The following EIF4G3 variants were observed in gnomAD, a reference collection of about 807,000 sequenced individuals.
EIF4G3 encodes eIF-4-gamma 3.
In EIF4G3, 34 loss-of-function variants were observed where a neutral mutation model predicts 186.4. The observed-to-expected ratio is 0.18, with a 90% confidence interval of 0.14 to 0.24. EIF4G3 has a LOEUF of 0.24. Among genes scored for constraint, EIF4G3 ranks in the 10% least tolerant of loss-of-function variants. EIF4G3 has a pLI of 1.00. For missense variants in EIF4G3, 1,536 were observed against 1,948.5 expected (o/e 0.79, Z 3.99); for synonymous variants, 673 against 679.5 (o/e 0.99, Z 0.15).
At chr1:21,015,718 GGTA>G (rs1423468409) in intron 4 of EIF4G3, among the ~76,000 whole-genome samples, 1 of 146,714 alleles carries the variant, frequency 6.8e-6, no homozygotes, top group Non-Finnish European at 1.5e-5. Context: ...CAGACCAGAA[GGTA>G]GTAGAATGAC....
At chr1:21,068,375 TAAAA>T (rs869306512) in intron 3 of EIF4G3, among the ~76,000 whole-genome samples, 23 of 67,830 alleles carry the variant, frequency 3.4e-4, no homozygotes, top group Admixed American at 8.2e-4. Context: ...ACTCTGTCTT[TAAAA>T]AAAAAAAAAA....
chr1:20,876,271 G>C (rs2080789575), intron 20 of EIF4G3, among the ~76,000 whole-genome samples: 1 of 146,302 alleles, frequency 6.8e-6, no homozygotes, highest in South Asian at 2.2e-4. Flanking sequence ...AGGGAGGCAG[G>C]CTCCAGAATA....
At chr1:21,015,955 A>T (rs1445803156) in intron 4 of EIF4G3, among the ~76,000 whole-genome samples, 1 of 152,200 alleles carries the variant, frequency 6.6e-6, no homozygotes, top group Non-Finnish European at 1.5e-5. Context: ...ACTAGACAGT[A>T]ACTAAAAACC....
chr1:20,875,981 G>C lies in EIF4G3; in HGVS notation c.2622+3342C>G, dbSNP rs555432007. Among the ~76,000 whole-genome samples the C allele has an allele frequency of 5.3e-5, 8 of 152,092 alleles. No homozygotes were observed. The South Asian group carries it at 1.7e-3, about 32-fold the overall frequency. On this transcript the variant is annotated intron_variant, in intron 20 of 36. Coordinates refer to ENST00000602326, the MANE Select transcript of EIF4G3 (RefSeq NM_001391906.1). ...TCACGTCTATGGTGCCAACACTTTG[G>C]AAGGCTGAGGCAAGCAGATCACTTG...
At position 20,807,230 on chromosome 1, in the gene EIF4G3, C is replaced by T; in HGVS notation, c.*89G>A. 1 of 1,262,532 alleles carries T rather than the reference C, an allele frequency of 7.9e-7. No homozygotes were observed. The allele number at this position is 1,262,532 out of a possible 1,614,324, so 78.2% of individuals were successfully genotyped here. On this transcript the variant is annotated 3_prime_UTR_variant, in exon 37 of 37. Transcript: ENST00000602326. ...ACGTGGGGGTTTCTGCGAGAATTGGCCTTGCTGCACTGTGATTGGCGAAGA... is the reference window on the plus strand; with the variant it reads ...ACGTGGGGGTTTCTGCGAGAATTGGTCTTGCTGCACTGTGATTGGCGAAGA...
chr1:21,148,717 A>G (rs2097498814), intron 2 of EIF4G3, among the ~76,000 whole-genome samples: 1 of 151,276 alleles, frequency 6.6e-6, no homozygotes, highest in South Asian at 2.1e-4. Flanking sequence ...AAAAAAAAAA[A>G]AAAAAAAAAG....
chr1:21,113,495 A>G (rs992104109), intron 2 of EIF4G3, among the ~76,000 whole-genome samples: 1 of 152,116 alleles, frequency 6.6e-6, no homozygotes, highest in African/African-American at 2.4e-5. Context: ...AATTACACCA[A>G]AATTCAATGA....
intron 2 of EIF4G3, among the ~76,000 whole-genome samples, chr1:21,118,395 C>G (rs2096865700): frequency 1.3e-5 from 2 of 152,188 alleles, no homozygotes; most frequent in African/African-American, 4.8e-5. Context: ...TGATAACCCA[C>G]TGTGTAATTA....
chr1:20,947,778 T>C (rs902592250), intron 13 of EIF4G3, among the ~76,000 whole-genome samples: 7 of 152,226 alleles, frequency 4.6e-5, no homozygotes, highest in Non-Finnish European at 7.3e-5. Flanking sequence ...ACCTGAATAC[T>C]TTCCAATTAA....
Position 21,083,130 on chromosome 1 carries a change from A to G in EIF4G3, c.-196+6008T>C, listed in dbSNP as rs1301173627. On this transcript the variant is annotated intron_variant, in intron 3 of 36. Transcript: ENST00000602326. ...TGCCTGTAATCCTAGTTACTCAGCT[A>G]TTTAGGAAGCTGATGTAGGAGGTTC... Among the ~76,000 whole-genome samples the G allele has an allele frequency of 2.0e-5, 3 of 149,618 alleles. No individual in the cohort carries two copies. In the East Asian group the frequency reaches 6.0e-4, roughly 30 times the overall value.
chr1:20,813,602 C>T (rs148297281), intron 34 of EIF4G3, among the ~76,000 whole-genome samples: 1 of 152,016 alleles, frequency 6.6e-6, no homozygotes, highest in Non-Finnish European at 1.5e-5. Context: ...TGCAGTGGCT[C>T]ATGCCTGTAA....
intron 13 of EIF4G3, among the ~76,000 whole-genome samples, chr1:20,945,474 T>G (rs936201382): frequency 6.6e-6 from 1 of 152,200 alleles, no homozygotes; most frequent in Non-Finnish European, 1.5e-5. Context: ...ATATGTTTTG[T>G]TCTGTTTCTG....
intron 13 of EIF4G3, 78 bp downstream of exon 13, chr1:20,949,925 A>T: frequency 1.7e-6 from 2 of 1,205,102 alleles, no homozygotes; most frequent in Non-Finnish European, 1.2e-6. Context: ...CTGTACTCTT[A>T]CTCTTGAATG....
rs569252007 is a variant in EIF4G3, at chr1:21,101,449, A to G, written c.-271-12236T>C. 1.3e-3 allele frequency among the ~76,000 whole-genome samples: 190 copies of G among 150,650 alleles called. 1 individual carries two copies. The highest frequency in any genetic ancestry group is 4.4e-3 in the African/African-American group (180 of 41,280). ...CCAGACATGGTGGTGGGCATCAGTA[A>G]TTCCAAGCTACTCAGGAGGCTGAAG... On this transcript the variant is annotated intron_variant, in intron 2 of 36. Transcript: ENST00000602326.
chr1:20,968,175 CTT>C (rs34957284), intron 12 of EIF4G3, among the ~76,000 whole-genome samples: 30 of 140,776 alleles, frequency 2.1e-4, no homozygotes, highest in Admixed American at 2.2e-4. Flanking sequence ...AAATACAAAT[CTT>C]TTTTTTTTTT....
At chr1:20,906,605 A>T (rs1465810566) in intron 14 of EIF4G3, among the ~76,000 whole-genome samples, 4 of 152,156 alleles carry the variant, frequency 2.6e-5, no homozygotes, top group Admixed American at 1.3e-4. Context: ...TCAACCCCAA[A>T]ACATGAAACA....
chr1:21,020,299 G>A (rs11806974), intron 4 of EIF4G3, among the ~76,000 whole-genome samples: 5,134 of 152,062 alleles, frequency 0.034, 289 homozygotes, highest in African/African-American at 0.12. Flanking sequence ...ACCAGCCTGG[G>A]TAACACAGCA....
chr1:21,128,616 C>A (rs899527907), intron 2 of EIF4G3, among the ~76,000 whole-genome samples: 4 of 152,200 alleles, frequency 2.6e-5, no homozygotes, highest in African/African-American at 7.2e-5. Context: ...TATCCAGGTT[C>A]TTTGGCCTTC....
chr1:21,085,818 C>CGAATAG (rs1013058242), intron 3 of EIF4G3, among the ~76,000 whole-genome samples: 5 of 151,978 alleles, frequency 3.3e-5, no homozygotes, highest in African/African-American at 1.2e-4. Context: ...CTCAGTCTCC[C>CGAATAG]GAATAGCTGG....
Sources: gnomAD v4.1 joint callset for allele counts (sites outside exome capture counted in the v4.1 genomes callset) on GRCh38, gnomAD v4.1.1 for gene constraint, MANE v1.5 for transcripts, NCBI Gene and HGNC (gene_info 2026-07-23, HGNC 2026-07-21) for gene names.